The following EPB41L3 variants were observed in gnomAD, a reference collection of about 807,000 sequenced individuals.
EPB41L3 encodes the protein erythrocyte membrane protein band 4.1 like 3.
A neutral mutation model predicts 127.1 loss-of-function variants in EPB41L3; 57 were observed. That is an observed-to-expected ratio of 0.45 (90% CI 0.36 to 0.56). The LOEUF (loss-of-function observed/expected upper bound fraction) is 0.56. Among genes scored for constraint, EPB41L3 ranks in the 20% least tolerant of loss-of-function variants. The pLI, the probability that EPB41L3 is intolerant of heterozygous loss-of-function variation, is 0.00. For missense variants in EPB41L3, 1,273 were observed against 1,372.2 expected (o/e 0.93, Z 1.14); for synonymous variants, 572 against 549.5 (o/e 1.04, Z -0.57).
chr18:5,510,456 A>G (rs1004937758), intron 1 of EPB41L3, among the ~76,000 whole-genome samples: 22 of 152,214 alleles, frequency 1.4e-4, no homozygotes, highest in African/African-American at 4.3e-4. Flanking sequence ...AACGTGTAGG[A>G]GACTGACAGG....
chr18:5,437,905 G>T, intron 6 of EPB41L3, 130 bp downstream of exon 6: 1 of 695,494 alleles, frequency 1.4e-6, no homozygotes, highest in Non-Finnish European at 2.4e-6. Context: ...TCGTTCATTT[G>T]CCTTTTGTTT....
chr18:5,598,030 G>A (rs77300590), intron 3 of EPB41L3, among the ~76,000 whole-genome samples: 7,155 of 152,222 alleles, frequency 0.047, 235 homozygotes, highest in Middle Eastern at 0.099. Flanking sequence ...ACTTCTCAGG[G>A]CTTCAGATCT....
intron 1 of EPB41L3, among the ~76,000 whole-genome samples, chr18:5,495,758 C>T (rs1219653586): frequency 6.6e-6 from 1 of 152,144 alleles, no homozygotes; most frequent in Non-Finnish European, 1.5e-5. Context: ...AAGTGGGTTC[C>T]GCGCCCAACT....
chr18:5,511,785 T>C (rs993970715), intron 1 of EPB41L3, among the ~76,000 whole-genome samples: 1 of 150,104 alleles, frequency 6.7e-6, no homozygotes, highest in African/African-American at 2.5e-5. Context: ...GCTTAGTTCC[T>C]CAATACTGCA....
rs769851322 is a variant in EPB41L3 at position 5,394,733 on chromosome 18, C to A, written c.3214G>T (p.Val1072Leu). Reference sequence around the variant, plus strand: ...ATCTCTGTCTCTTTATGGACCACTACTTTGGTCACTGACATGTCAGGGTGC... The same window carrying A: ...ATCTCTGTCTCTTTATGGACCACTAATTTGGTCACTGACATGTCAGGGTGC... The part of the protein sequence containing the change: ...EQHPDMSVTK[V>L]VVHKETEITP... The change falls in exon 22 of 23, where the codon GTA becomes TTA. Residue 1072 changes from valine to leucine, a missense_variant. Physicochemically the swap from Val to Leu is conservative, Grantham distance 32. Coordinates refer to ENST00000341928, the MANE Select transcript of EPB41L3 (RefSeq NM_012307.5). 6.2e-7 allele frequency: 1 copy of A among 1,614,152 alleles called. No homozygotes were observed. The highest frequency in any genetic ancestry group is 8.5e-7 in the Non-Finnish European group (1 of 1,180,012).
intron 3 of EPB41L3, among the ~76,000 whole-genome samples, chr18:5,561,722 T>TA (rs2094138151): frequency 6.6e-6 from 1 of 152,160 alleles, no homozygotes; most frequent in African/African-American, 2.4e-5. Context: ...TCCCCGCAAA[T>TA]ACTTATTATC....
Position 5,395,674 on chromosome 18 carries a change from G to C in EPB41L3, c.3007C>G (p.Leu1003Val). 1.2e-6 allele frequency: 2 copies of C among 1,614,174 alleles called. No individual in the cohort carries two copies. Among genetic ancestry groups the C allele is most frequent in the South Asian group, 2.2e-5 (2 of 91,080 alleles). ...DPGTDLEPGV[L>V]MSAQTITSET... ...GATGTGATCGTCTGTGCACTCATCAGCACGCCTGGCTCCAGATCTGTGCCT... is the reference window on the plus strand; with the variant it reads ...GATGTGATCGTCTGTGCACTCATCACCACGCCTGGCTCCAGATCTGTGCCT... The change falls in exon 20 of 23, where the codon CTG becomes GTG. Residue 1003 changes from leucine (L) to valine (V), a missense_variant. Physicochemically the swap from Leu to Val is conservative, Grantham distance 32. Coordinates refer to ENST00000341928, the MANE Select transcript of EPB41L3 (RefSeq NM_012307.5).
chr18:5,591,480 G>A (rs1286552272), intron 3 of EPB41L3, among the ~76,000 whole-genome samples: 2 of 152,090 alleles, frequency 1.3e-5, no homozygotes, highest in South Asian at 2.1e-4. Context: ...CATTTATGGG[G>A]GCTCCACCCT....
chr18:5,423,461 G>T lies in EPB41L3; in HGVS notation c.1256C>A (p.Ala419Asp). 6.2e-7 allele frequency: 1 copy of T among 1,614,012 alleles called. No homozygotes were observed. The highest frequency in any genetic ancestry group is 8.5e-7 in the Non-Finnish European group (1 of 1,179,930). Reference protein sequence around the residue: ...SGRTQAQTRRASALIDRPAPY... With the variant: ...SGRTQAQTRRDSALIDRPAPY... The stretch of plus-strand genomic sequence containing the variant: ...TGCTGGGCGATCTATCAACGCACTG[G>T]CTCTTCTCGTTTGCGCTTGTGTCCT... Residue 419 changes from alanine to aspartate, a missense_variant, in exon 11 of 23, where the codon GCC becomes GAC. By Grantham distance (126) the Ala-to-Asp change is moderately radical. Transcript: ENST00000341928.
chr18:5,567,376 C>T (rs940058789), intron 3 of EPB41L3: 2 of 152,178 alleles, frequency 1.3e-5, no homozygotes, highest in African/African-American at 4.8e-5. Context: ...GACTGATTAA[C>T]AAATTGTTAG....
intron 1 of EPB41L3, among the ~76,000 whole-genome samples, chr18:5,515,246 G>A (rs2092703293): frequency 6.6e-6 from 1 of 152,096 alleles, no homozygotes; most frequent in Admixed American, 6.5e-5. Flanking sequence ...TACACTGCGG[G>A]GTGCTACTGA....
At chr18:5,510,180 C>T (rs1385344269) in intron 1 of EPB41L3, among the ~76,000 whole-genome samples, 1 of 152,186 alleles carries the variant, frequency 6.6e-6, no homozygotes, top group Middle Eastern at 3.2e-3. Context: ...TGAAGGATTT[C>T]TGGTCTGCTA....
intron 6 of EPB41L3, among the ~76,000 whole-genome samples, chr18:5,437,807 C>T (rs772386156): frequency 6.6e-6 from 1 of 152,084 alleles, no homozygotes; most frequent in Non-Finnish European, 1.5e-5. Flanking sequence ...GTTTTCCCAC[C>T]AGGGTCAAGC....
intron 16 of EPB41L3, chr18:5,399,460 A>C (rs1276327808): frequency 2.5e-6 from 1 of 397,736 alleles, no homozygotes; most frequent in Non-Finnish European, 4.4e-6. Context: ...CCTTTAAGAA[A>C]ATCAGGGCAA....
chr18:5,619,405 T>C (rs909813942), intron 1 of EPB41L3, among the ~76,000 whole-genome samples: 4 of 152,212 alleles, frequency 2.6e-5, no homozygotes. Flanking sequence ...CTTACTAACA[T>C]TATACTTTTA....
intron 14 of EPB41L3, among the ~76,000 whole-genome samples, chr18:5,409,766 A>C (rs2075967854): frequency 6.6e-6 from 1 of 151,922 alleles, no homozygotes; most frequent in East Asian, 1.9e-4. Flanking sequence ...GTAAAAACTA[A>C]ATTCTGCTAG....
chr18:5,511,235 C>A (rs1358523182), intron 1 of EPB41L3, among the ~76,000 whole-genome samples: 1 of 151,776 alleles, frequency 6.6e-6, no homozygotes, highest in Non-Finnish European at 1.5e-5. Context: ...ACTTCCAGCA[C>A]CGAGACAGGA....
chr18:5,522,785 C>G (rs1181734025), intron 1 of EPB41L3, among the ~76,000 whole-genome samples: 1 of 152,164 alleles, frequency 6.6e-6, no homozygotes, highest in Non-Finnish European at 1.5e-5. Flanking sequence ...ACCAAAGCAA[C>G]AGATACAAAA....
intron 3 of EPB41L3, among the ~76,000 whole-genome samples, chr18:5,577,940 C>T (rs2094352582): frequency 1.3e-5 from 2 of 152,096 alleles, no homozygotes; most frequent in Admixed American, 1.3e-4. Flanking sequence ...TTTCTTTCTT[C>T]ATATTTCCTT....
Sources: allele counts gnomAD v4.1 joint callset (sites outside exome capture counted in the v4.1 genomes callset), GRCh38; gene constraint gnomAD v4.1.1; transcripts MANE v1.5; gene names NCBI Gene and HGNC (gene_info 2026-07-23, HGNC 2026-07-21).